Variants in FMN1 observed in about 807,000 individuals in gnomAD.
The protein encoded by FMN1 is formin 1.
FMN1 carries 110 observed loss-of-function variants against 132.4 expected under a neutral mutation model. That is an observed-to-expected ratio of 0.83 (90% CI 0.71 to 0.97). The LOEUF is 0.97. FMN1 is among the 50% of genes least tolerant of loss of function. The pLI, the probability that FMN1 is intolerant of heterozygous loss-of-function variation, is 0.00. For missense variants in FMN1, 1,792 were observed against 1,705.3 expected, an observed-to-expected ratio of 1.05 and a Z score of -0.90; for synonymous variants, 722 against 651.7, an observed-to-expected ratio of 1.11 and a Z score of -1.64.
At chr15:33,015,772 A>G (rs1398861431) in intron 6 of FMN1, among the ~76,000 whole-genome samples, 1 of 152,172 alleles carries the variant, frequency 6.6e-6, no homozygotes. Context: ...AAAACTTAGC[A>G]CACACACCGG....
chr15:32,775,689 TCTCATTCATCAAC>T (rs1486258107), intron 20 of FMN1, among the ~76,000 whole-genome samples: 1 of 152,220 alleles, frequency 6.6e-6, no homozygotes, highest in Non-Finnish European at 1.5e-5. Flanking sequence ...CTTCTCCATT[TCTCATTCATCAAC>T]CTCATGCAAC....
chr15:32,933,712 C>T (rs371920194), intron 9 of FMN1, among the ~76,000 whole-genome samples: 2 of 148,630 alleles, frequency 1.3e-5, no homozygotes, highest in East Asian at 3.9e-4. Context: ...AAATAGTGTC[C>T]TTCTTTTTCT....
chr15:32,849,150 A>T (rs1475201360), intron 17 of FMN1, among the ~76,000 whole-genome samples: 8 of 140,192 alleles, frequency 5.7e-5, no homozygotes, highest in East Asian at 4.1e-4. Flanking sequence ...CGCTCAGCTA[A>T]TTTTTTTTTT....
At chr15:33,151,416 C>T (rs553813449) in intron 4 of FMN1, 40 of 1,533,880 alleles carry the variant, frequency 2.6e-5, no homozygotes, top group Middle Eastern at 1.7e-4. Flanking sequence ...AGTGATTGCA[C>T]GGAGAGGCCA....
At chr15:32,873,730 G>A (rs1029680487) in intron 16 of FMN1, among the ~76,000 whole-genome samples, 8 of 152,130 alleles carry the variant, frequency 5.3e-5, no homozygotes, top group Non-Finnish European at 1.0e-4. Flanking sequence ...GAGGCTAGGT[G>A]TCACAGATTC....
chr15:32,937,037 G>A (rs1464494937), intron 9 of FMN1, among the ~76,000 whole-genome samples: 2 of 152,192 alleles, frequency 1.3e-5, no homozygotes, highest in Admixed American at 1.3e-4. Context: ...AAAAGCCAGA[G>A]CATTGGACGG....
At chr15:33,137,496 G>A (rs936296058) in intron 4 of FMN1, among the ~76,000 whole-genome samples, 3 of 152,154 alleles carry the variant, frequency 2.0e-5, no homozygotes, top group Non-Finnish European at 2.9e-5. Flanking sequence ...AGTAAGACAT[G>A]ACTGATCAGT....
chr15:33,016,125 A>T (rs987695253), intron 6 of FMN1, among the ~76,000 whole-genome samples: 1 of 149,442 alleles, frequency 6.7e-6, no homozygotes, highest in African/African-American at 2.4e-5. Flanking sequence ...TTAAAATAAC[A>T]AATTAAATAA....
chr15:33,057,108 C>G (rs1428960701), intron 6 of FMN1, among the ~76,000 whole-genome samples: 1 of 152,188 alleles, frequency 6.6e-6, no homozygotes, highest in African/African-American at 2.4e-5. Flanking sequence ...AACACAGAAG[C>G]AGTGGTTGCA....
intron 16 of FMN1, among the ~76,000 whole-genome samples, chr15:32,884,789 G>T (rs149946809): frequency 2.6e-5 from 4 of 152,268 alleles, no homozygotes; most frequent in Admixed American, 2.0e-4. Flanking sequence ...ACAAAATATG[G>T]AACATGTTCC....
At chr15:33,177,745 C>T (rs1335941549) in intron 3 of FMN1, among the ~76,000 whole-genome samples, 1 of 152,178 alleles carries the variant, frequency 6.6e-6, no homozygotes, top group East Asian at 1.9e-4. Flanking sequence ...TGGTTCATGC[C>T]TGTAATCCCA....
At chr15:32,963,301 C>T (rs1007969492) in intron 9 of FMN1, among the ~76,000 whole-genome samples, 3 of 131,426 alleles carry the variant, frequency 2.3e-5, no homozygotes, top group Admixed American at 9.7e-5. Flanking sequence ...AATGAGAACA[C>T]GTGGACACAG....
intron 5 of FMN1, among the ~76,000 whole-genome samples, chr15:33,065,625 T>A (rs922497526): frequency 1.3e-5 from 2 of 152,238 alleles, no homozygotes; most frequent in African/African-American, 4.8e-5. Context: ...AGGAGAATGT[T>A]ATATTGTGCT....
intron 4 of FMN1, among the ~76,000 whole-genome samples, chr15:33,090,354 T>C (rs2038859951): frequency 6.6e-6 from 1 of 152,188 alleles, no homozygotes; most frequent in Non-Finnish European, 1.5e-5. Context: ...CGAGATAGCA[T>C]GCTTATATTA....
chr15:33,164,360 A>G (rs1965013965), intron 3 of FMN1, among the ~76,000 whole-genome samples: 1 of 152,230 alleles, frequency 6.6e-6, no homozygotes, highest in South Asian at 2.1e-4. Context: ...ACATATGGGC[A>G]AATCTCTACA....
chr15:33,059,785 T>A (rs73378504), intron 6 of FMN1, among the ~76,000 whole-genome samples: 2,305 of 152,306 alleles, frequency 0.015, 54 homozygotes, highest in African/African-American at 0.053. Context: ...CTCTCAGTTT[T>A]TATATTCTAA....
chr15:32,923,993 T>A (rs1300135128), intron 10 of FMN1, among the ~76,000 whole-genome samples: 1 of 152,202 alleles, frequency 6.6e-6, no homozygotes, highest in Non-Finnish European at 1.5e-5. Flanking sequence ...AATCCCTAAC[T>A]TCAATAACTG....
At chr15:32,776,758 C>T in intron 20 of FMN1, 77 bp downstream of exon 20, 1 of 776,812 alleles carries the variant, frequency 1.3e-6, no homozygotes, top group South Asian at 1.6e-5. Context: ...TATGTTTCAT[C>T]TCTGAGCTTT....
At chr15:32,811,777 G>C (rs1445391344) in intron 17 of FMN1, among the ~76,000 whole-genome samples, 2 of 151,714 alleles carry the variant, frequency 1.3e-5, no homozygotes, top group Non-Finnish European at 2.9e-5. Flanking sequence ...CGATTCTCCT[G>C]CCTCAGCCTT....
Sources: gnomAD v4.1 joint callset for allele counts (sites outside exome capture counted in the v4.1 genomes callset) on GRCh38, gnomAD v4.1.1 for gene constraint, MANE v1.5 for transcripts, NCBI Gene and HGNC (gene_info 2026-07-23, HGNC 2026-07-21) for gene names.